WDR70: variants seen among roughly 807,000 people sequenced by gnomAD.
WDR70 encodes WD repeat-containing protein 70.
Under a neutral mutation model 88.6 loss-of-function variants are expected in WDR70, and 53 were observed. The observed-to-expected ratio is 0.60, with a 90% CI of 0.48 to 0.75. The LOEUF is 0.75. WDR70 is among the 30% of genes least tolerant of loss of function. WDR70 has a pLI of 0.00. For missense variants in WDR70, 610 were observed against 823.2 expected (o/e 0.74, Z 3.17); for synonymous variants, 280 against 270.0 (o/e 1.04, Z -0.36).
intron 7 of WDR70, among the ~76,000 whole-genome samples, chr5:37,456,602 G>C (rs1340052686): frequency 2.0e-5 from 3 of 152,150 alleles, no homozygotes; most frequent in African/African-American, 7.2e-5. Context: ...ACTAGGGAAA[G>C]TTTGAGAGGT....
chr5:37,401,509 G>A (rs1242433700), intron 5 of WDR70, among the ~76,000 whole-genome samples: 1 of 151,858 alleles, frequency 6.6e-6, no homozygotes, highest in Non-Finnish European at 1.5e-5. Flanking sequence ...TAGAGACGGA[G>A]TTTCACCATG....
chr5:37,483,315 T>C (rs967668834), intron 8 of WDR70, among the ~76,000 whole-genome samples: 1 of 151,924 alleles, frequency 6.6e-6, no homozygotes, highest in African/African-American at 2.4e-5. Context: ...TTAACGAGCA[T>C]GCTGCCTTCA....
At chr5:37,713,119 G>A (rs532879590) in intron 13 of WDR70, among the ~76,000 whole-genome samples, 5 of 152,150 alleles carry the variant, frequency 3.3e-5, no homozygotes, top group Non-Finnish European at 5.9e-5. Context: ...TAGGAATCCA[G>A]ATTCAAACCC....
chr5:37,750,056 G>A (rs1427715619), intron 17 of WDR70, among the ~76,000 whole-genome samples: 2 of 152,044 alleles, frequency 1.3e-5, no homozygotes, highest in Non-Finnish European at 2.9e-5. Flanking sequence ...CCCATTTCAA[G>A]TTTTGACAAA....
rs1218530013 is a variant in WDR70 at position 37,634,321 on chromosome 5, GA to G, written c.1092+29094del. ...CTCAAAAAAAAAAAAAGAAAAAAAA[GA>G]AAAAAAAAAACCTAGTGCATATTTT... On this transcript the variant is annotated intron_variant, in intron 10 of 17. Coordinates refer to ENST00000265107, the MANE Select transcript of WDR70 (RefSeq NM_018034.4). Among the ~76,000 whole-genome samples, 156 of 138,914 alleles carry G rather than the reference GA, an allele frequency of 1.1e-3. 1 individual carries two copies. Among genetic ancestry groups the G allele is most frequent in the Middle Eastern group, 3.7e-3 (1 of 270 alleles). 91.1% of individuals were successfully genotyped at this position (138,914 alleles called of 152,430 possible).
intron 15 of WDR70, chr5:37,723,240 A>G: frequency 3.6e-6 from 1 of 278,514 alleles, no homozygotes; most frequent in Non-Finnish European, 6.7e-6. Flanking sequence ...AACAAGAAAG[A>G]GTGCTGGTCT....
chr5:37,750,160 T>C lies in WDR70; in HGVS notation c.1878-2326T>C, dbSNP rs148042419. On this transcript the variant is annotated intron_variant, in intron 17 of 17. Coordinates refer to ENST00000265107, the MANE Select transcript of WDR70 (RefSeq NM_018034.4). The stretch of plus-strand genomic sequence containing the variant: ...TCATGCCTCTTTCTAGCTGTTGTTA[T>C]GTAGTTTTGTTGATTCTGTGCCCTT... 6.5e-3 allele frequency among the ~76,000 whole-genome samples: 992 copies of C among 152,306 alleles called. 6 individuals carry two copies. Among genetic ancestry groups the C allele is most frequent in the African/African-American group, 0.018 (755 of 41,566 alleles).
At chr5:37,673,582 T>TTCC (rs1222254300) in intron 10 of WDR70, among the ~76,000 whole-genome samples, 130 of 48,408 alleles carry the variant, frequency 2.7e-3, no homozygotes, top group Middle Eastern at 0.01. Context: ...TGACTTTTCT[T>TTCC]ACCCCCCCCC....
chr5:37,399,832 C>T (rs1318746846), intron 5 of WDR70, among the ~76,000 whole-genome samples: 1 of 151,944 alleles, frequency 6.6e-6, no homozygotes, highest in Non-Finnish European at 1.5e-5. Context: ...TGTAGAGACC[C>T]GAGTAGGTGA....
chr5:37,719,786 C>A (rs1363611746), intron 13 of WDR70, among the ~76,000 whole-genome samples: 1 of 151,686 alleles, frequency 6.6e-6, no homozygotes, highest in Non-Finnish European at 1.5e-5. Context: ...TATTTTTTTG[C>A]CATTCACATG....
At chr5:37,693,320 A>G (rs1003948572) in intron 10 of WDR70, among the ~76,000 whole-genome samples, 1 of 152,206 alleles carries the variant, frequency 6.6e-6, no homozygotes, top group Admixed American at 6.5e-5. Flanking sequence ...CATCCCCATC[A>G]AGTTACCAAT....
intron 17 of WDR70, among the ~76,000 whole-genome samples, chr5:37,743,846 G>A (rs1748563182): frequency 6.6e-6 from 1 of 152,224 alleles, no homozygotes; most frequent in Non-Finnish European, 1.5e-5. Flanking sequence ...TCTCCTGGTA[G>A]TTCTGAGGAA....
chr5:37,389,285 G>T (rs1748732510), intron 3 of WDR70, among the ~76,000 whole-genome samples: 1 of 142,084 alleles, frequency 7.0e-6, no homozygotes, highest in African/African-American at 3.1e-5. Flanking sequence ...TAGAGACAGG[G>T]TTTCACCTGT....
intron 9 of WDR70, among the ~76,000 whole-genome samples, chr5:37,529,745 A>G (rs1019892086): frequency 2.0e-5 from 3 of 151,990 alleles, no homozygotes; most frequent in African/African-American, 7.2e-5. Flanking sequence ...AGGGTTTTCT[A>G]TTATGTGATG....
chr5:37,660,890 A>C (rs1218044315), intron 10 of WDR70, among the ~76,000 whole-genome samples: 1 of 152,162 alleles, frequency 6.6e-6, no homozygotes, highest in Non-Finnish European at 1.5e-5. Flanking sequence ...CAACAATAAA[A>C]GAAGGCCAAC....
At chr5:37,736,450 T>C (rs548364813) in intron 17 of WDR70, among the ~76,000 whole-genome samples, 2 of 152,278 alleles carry the variant, frequency 1.3e-5, no homozygotes, top group South Asian at 4.1e-4. Context: ...AAGGTTTATG[T>C]GTTATTTGTG....
chr5:37,461,111 A>AT (rs1014693873), intron 7 of WDR70, among the ~76,000 whole-genome samples: 1 of 83,270 alleles, frequency 1.2e-5, no homozygotes, highest in Non-Finnish European at 3.2e-5. Context: ...ACCTCAAAAA[A>AT]AAAAAAAAAA....
At chr5:37,397,012 C>T (rs192808504) in intron 5 of WDR70, among the ~76,000 whole-genome samples, 16 of 152,108 alleles carry the variant, frequency 1.1e-4, no homozygotes, top group Admixed American at 3.3e-4. Flanking sequence ...TGTTATGGTG[C>T]GCACCTGTGG....
chr5:37,404,204 T>C (rs1749284803), intron 5 of WDR70, among the ~76,000 whole-genome samples: 1 of 152,218 alleles, frequency 6.6e-6, no homozygotes, highest in South Asian at 2.1e-4. Context: ...CCACAGGTAA[T>C]TCTAATGGAT....
Sources: gnomAD v4.1 joint callset for allele counts (sites outside exome capture counted in the v4.1 genomes callset) on GRCh38, gnomAD v4.1.1 for gene constraint, MANE v1.5 for transcripts, NCBI Gene and HGNC (gene_info 2026-07-23, HGNC 2026-07-21) for gene names.